The following SLC1A2 variants were observed in gnomAD, a reference collection of about 807,000 sequenced individuals.
SLC1A2 encodes solute carrier family 1 member 2, also known as excitatory amino acid transporter 2.
In SLC1A2, 15 loss-of-function variants were observed where a neutral mutation model predicts 48.8. The observed-to-expected ratio is 0.31, with a 90% CI of 0.21 to 0.47. SLC1A2 has a LOEUF of 0.47. Among genes scored for constraint, SLC1A2 ranks in the 20% least tolerant of loss-of-function variants. The probability of loss-of-function intolerance (pLI) is 0.99; values close to 1 mark genes in which losing one functional copy is unlikely to be tolerated. For missense variants in SLC1A2, 502 were observed against 730.5 expected, an observed-to-expected ratio of 0.69 and a Z score of 3.61; for synonymous variants, 279 against 272.6, an observed-to-expected ratio of 1.02 and a Z score of -0.23.
intron 1 of SLC1A2, among the ~76,000 whole-genome samples, chr11:35,361,134 G>A (rs1242033339): frequency 6.6e-6 from 1 of 151,926 alleles, no homozygotes; most frequent in African/African-American, 2.4e-5. Context: ...CCTCAGCCTC[G>A]CAAAATGCTG....
At chr11:35,349,612 G>A (rs1219462036) in intron 1 of SLC1A2, among the ~76,000 whole-genome samples, 1 of 152,178 alleles carries the variant, frequency 6.6e-6, no homozygotes, top group Non-Finnish European at 1.5e-5. Context: ...CCAGGTATCT[G>A]AGAAAGCTCT....
intron 1 of SLC1A2, among the ~76,000 whole-genome samples, chr11:35,339,888 G>T (rs1177950335): frequency 6.6e-6 from 1 of 152,120 alleles, no homozygotes; most frequent in Non-Finnish European, 1.5e-5. Flanking sequence ...CCTTAGCTCT[G>T]TTTAAATGTT....
intron 3 of SLC1A2, among the ~76,000 whole-genome samples, chr11:35,313,233 G>A: frequency 6.6e-6 from 1 of 152,170 alleles, no homozygotes; most frequent in East Asian, 1.9e-4. Context: ...AATGTCTTTT[G>A]AATATATTAC....
intron 10 of SLC1A2, among the ~76,000 whole-genome samples, chr11:35,263,553 T>A (rs1950430515): frequency 6.6e-6 from 1 of 152,138 alleles, no homozygotes; most frequent in South Asian, 2.1e-4. Context: ...TCTAAAGACA[T>A]CTCCACGCCC....
chr11:35,371,284 C>G (rs1854055468), intron 1 of SLC1A2, among the ~76,000 whole-genome samples: 1 of 152,158 alleles, frequency 6.6e-6, no homozygotes, highest in South Asian at 2.1e-4. Context: ...GGCTCCAATC[C>G]ACATTCCCTC....
intron 1 of SLC1A2, among the ~76,000 whole-genome samples, chr11:35,373,334 G>C (rs1179439419): frequency 6.6e-6 from 1 of 152,190 alleles, no homozygotes; most frequent in Non-Finnish European, 1.5e-5. Context: ...AAGTGCTGCT[G>C]TTTCCATAGC....
At position 35,258,854 on chromosome 11, in the gene SLC1A2, C is replaced by T. The variant is rs190977458; in HGVS notation, c.*2040G>A. ...ACTCGGGAGGCTGAGACAGGAGAATCGCTTGAACTAGAGAGGTGGACATTG... is the reference window on the plus strand; with the variant it reads ...ACTCGGGAGGCTGAGACAGGAGAATTGCTTGAACTAGAGAGGTGGACATTG... On this transcript the variant is annotated 3_prime_UTR_variant, in exon 11 of 11. Coordinates refer to ENST00000278379, the MANE Select transcript of SLC1A2 (RefSeq NM_004171.4). 2.5e-3 allele frequency: 376 copies of T among 151,102 alleles called. No individual in the cohort carries two copies. The highest frequency in any genetic ancestry group is 8.5e-3 in the African/African-American group (347 of 41,052). 9.4% of individuals were successfully genotyped at this position (151,102 alleles called of 1,614,324 possible).
chr11:35,399,374 A>G (rs1239923980), intron 1 of SLC1A2, among the ~76,000 whole-genome samples: 1 of 152,144 alleles, frequency 6.6e-6, no homozygotes, highest in Non-Finnish European at 1.5e-5. Context: ...TACCCAGATA[A>G]TGAAGCCATT....
At chr11:35,366,333 C>G (rs1853849257) in intron 1 of SLC1A2, among the ~76,000 whole-genome samples, 1 of 152,220 alleles carries the variant, frequency 6.6e-6, no homozygotes, top group South Asian at 2.1e-4. Context: ...CTTGTAACTG[C>G]TAGCATCTAT....
chr11:35,400,330 A>C (rs568183316), intron 1 of SLC1A2, among the ~76,000 whole-genome samples: 30 of 152,380 alleles, frequency 2.0e-4, no homozygotes, highest in African/African-American at 6.5e-4. Context: ...CAGCCGTTAA[A>C]CAAGTTTATA....
At chr11:35,263,241 G>A (rs1950423200) in intron 10 of SLC1A2, among the ~76,000 whole-genome samples, 1 of 152,160 alleles carries the variant, frequency 6.6e-6, no homozygotes, top group Non-Finnish European at 1.5e-5. Flanking sequence ...CGAGGCAGGT[G>A]GATCACCTGA....
chr11:35,402,918 A>G (rs937585843), intron 1 of SLC1A2, among the ~76,000 whole-genome samples: 1 of 152,258 alleles, frequency 6.6e-6, no homozygotes, highest in African/African-American at 2.4e-5. Context: ...AAAGAAGCCC[A>G]GGGCCTACTT....
intron 7 of SLC1A2, among the ~76,000 whole-genome samples, chr11:35,287,381 G>T (rs1356707217): frequency 6.6e-6 from 1 of 152,032 alleles, no homozygotes; most frequent in Non-Finnish European, 1.5e-5. Flanking sequence ...ATAATTTCAT[G>T]CTAGAAATGC....
Position 35,376,437 on chromosome 11 carries a change from C to T in SLC1A2, c.17+42513G>A, listed in dbSNP as rs114922356. Among the ~76,000 whole-genome samples the T allele has an allele frequency of 7.5e-3, 1,147 of 152,178 alleles. 18 individuals are homozygous for T. The highest frequency in any genetic ancestry group is 0.026 in the African/African-American group (1,095 of 41,494). The stretch of plus-strand genomic sequence containing the variant: ...ATGCTCTATGGTTATGTAATACGTA[C>T]GATACCATTAAAGGAAGCTGAGGGA... On this transcript the variant is annotated intron_variant, in intron 1 of 10. Transcript: ENST00000278379.
chr11:35,351,507 C>T (rs1391528386), intron 1 of SLC1A2, among the ~76,000 whole-genome samples: 1 of 152,112 alleles, frequency 6.6e-6, no homozygotes, highest in African/African-American at 2.4e-5. Context: ...TAAAAACAGT[C>T]TGGTTTTCAA....
At chr11:35,399,242 C>T (rs1855065547) in intron 1 of SLC1A2, among the ~76,000 whole-genome samples, 1 of 152,130 alleles carries the variant, frequency 6.6e-6, no homozygotes, top group South Asian at 2.1e-4. Flanking sequence ...CTCTTTATCC[C>T]TAAGGAAGTC....
chr11:35,388,202 A>G (rs1388042730), intron 1 of SLC1A2, among the ~76,000 whole-genome samples: 3 of 152,224 alleles, frequency 2.0e-5, no homozygotes, highest in Non-Finnish European at 4.4e-5. Flanking sequence ...AATAGGCCTT[A>G]AATAATTTTT....
At chr11:35,275,786 C>T (rs1159487006) in intron 9 of SLC1A2, among the ~76,000 whole-genome samples, 1 of 152,026 alleles carries the variant, frequency 6.6e-6, no homozygotes, top group Non-Finnish European at 1.5e-5. Context: ...GTGAAGTTTC[C>T]CCCTTTTCTT....
intron 10 of SLC1A2, among the ~76,000 whole-genome samples, chr11:35,264,452 C>T (rs1006618869): frequency 8.5e-5 from 13 of 152,182 alleles, no homozygotes; most frequent in African/African-American, 3.1e-4. Context: ...TAGAAACCAA[C>T]CCCCAGAGTT....
Sources: allele counts gnomAD v4.1 joint callset (sites outside exome capture counted in the v4.1 genomes callset), GRCh38; gene constraint gnomAD v4.1.1; transcripts MANE v1.5; gene names NCBI Gene and HGNC (gene_info 2026-07-23, HGNC 2026-07-21).